LRRC49: variants seen among roughly 807,000 people sequenced by gnomAD.
The protein encoded by LRRC49 is leucine-rich repeat-containing protein 49.
In LRRC49, 50 loss-of-function variants were observed where a neutral mutation model predicts 83.3. That is an observed-to-expected ratio of 0.60 (90% CI 0.48 to 0.76). LRRC49 has a LOEUF of 0.76. Ranked by LOEUF, LRRC49 falls within the 30% of genes least tolerant of loss-of-function variation. The pLI is 0.00. For synonymous variants in LRRC49, 286 were observed against 283.3 expected, an observed-to-expected ratio of 1.01 and a Z score of -0.10; for missense variants, 704 against 809.1, an observed-to-expected ratio of 0.87 and a Z score of 1.58.
intron 1 of LRRC49, among the ~76,000 whole-genome samples, chr15:70,860,417 C>CA (rs538103577): frequency 3.6e-4 from 54 of 152,080 alleles, no homozygotes; most frequent in Middle Eastern, 6.8e-3. Context: ...CAAACAAAAC[C>CA]AAAAAACAAA....
At chr15:71,019,602 T>C (rs1421535931) in intron 14 of LRRC49, among the ~76,000 whole-genome samples, 3 of 152,164 alleles carry the variant, frequency 2.0e-5, no homozygotes, top group Non-Finnish European at 2.9e-5. Flanking sequence ...CCCCAGTGGC[T>C]ATACCATCAG....
intron 14 of LRRC49, among the ~76,000 whole-genome samples, chr15:71,024,536 T>C (rs912425842): frequency 1.3e-5 from 2 of 151,848 alleles, no homozygotes; most frequent in Non-Finnish European, 1.5e-5. Flanking sequence ...GGGCTGACTG[T>C]TGAAGGAAAG....
intron 9 of LRRC49, among the ~76,000 whole-genome samples, chr15:70,971,882 A>G (rs558929727): frequency 1.5e-5 from 2 of 136,306 alleles, no homozygotes; most frequent in African/African-American, 2.8e-5. Flanking sequence ...GTGTCTTTGC[A>G]TGTGAGATGG....
At chr15:70,858,439 T>A (rs1231385192) in intron 1 of LRRC49, among the ~76,000 whole-genome samples, 1 of 152,090 alleles carries the variant, frequency 6.6e-6, no homozygotes, top group Non-Finnish European at 1.5e-5. Context: ...CTGTCTCTAC[T>A]AAAAATACAA....
chr15:70,900,725 T>A (rs1012340351), intron 3 of LRRC49, 197 bp from the exon 4 acceptor site: 2 of 538,604 alleles, frequency 3.7e-6, no homozygotes, highest in Middle Eastern at 7.7e-4. Context: ...TTGGCATACA[T>A]GGAACACATA....
intron 8 of LRRC49, among the ~76,000 whole-genome samples, chr15:70,961,625 C>T (rs1161321085): frequency 6.6e-6 from 1 of 152,050 alleles, no homozygotes; most frequent in Non-Finnish European, 1.5e-5. Flanking sequence ...ATGCATATTG[C>T]TAAGTGAAAG....
At chr15:70,990,015 G>T (rs2037800441) in intron 11 of LRRC49, among the ~76,000 whole-genome samples, 1 of 152,134 alleles carries the variant, frequency 6.6e-6, no homozygotes, top group Admixed American at 6.5e-5. Flanking sequence ...GGAGTACCCG[G>T]CTGTGTGAGG....
intron 10 of LRRC49, among the ~76,000 whole-genome samples, chr15:70,982,446 GA>G (rs1371817090): frequency 3.4e-4 from 52 of 152,178 alleles, no homozygotes; most frequent in Non-Finnish European, 1.2e-4. Flanking sequence ...ATAGAATGGG[GA>G]AAAAATGTTT....
chr15:70,898,103 C>T (rs1225049806), intron 3 of LRRC49, among the ~76,000 whole-genome samples: 1 of 152,156 alleles, frequency 6.6e-6, no homozygotes, highest in Non-Finnish European at 1.5e-5. Flanking sequence ...TGTCCATCCA[C>T]CCATCTGTTC....
chr15:71,002,817 A>G (rs182956311), intron 11 of LRRC49, among the ~76,000 whole-genome samples: 159 of 152,108 alleles, frequency 1.0e-3, no homozygotes, highest in African/African-American at 3.7e-3. Context: ...GTCTCTTTTC[A>G]TCTAGACATT....
chr15:71,052,969 T>C lies in LRRC49; in HGVS notation c.*3357T>C, dbSNP rs1372077898. The stretch of plus-strand genomic sequence containing the variant: ...CTACATGTGAAGCATATCGTAGACA[T>C]TATGTGCGGTATAAATACTAACAAA... On this transcript the variant is annotated 3_prime_UTR_variant, in exon 16 of 16. Transcript: ENST00000260382. 1 of 152,226 alleles carries C rather than the reference T, an allele frequency of 6.6e-6. No individual in the cohort carries two copies. Among genetic ancestry groups the C allele is most frequent in the Non-Finnish European group, 1.5e-5 (1 of 68,042 alleles). 9.4% of individuals were successfully genotyped at this position (152,226 alleles called of 1,614,324 possible).
chr15:70,984,367 A>C, intron 11 of LRRC49, 110 bp downstream of exon 11: 1 of 962,162 alleles, frequency 1.0e-6, no homozygotes, highest in East Asian at 2.7e-5. Context: ...TCTTAAGAAA[A>C]CTTGCTGAAA....
chr15:70,922,256 G>A (rs1411977682), intron 7 of LRRC49, among the ~76,000 whole-genome samples: 2 of 152,254 alleles, frequency 1.3e-5, no homozygotes, highest in East Asian at 3.9e-4. Flanking sequence ...GTTTACAATA[G>A]CTAAGATTTG....
At chr15:70,955,486 C>G (rs1158485727) in intron 8 of LRRC49, among the ~76,000 whole-genome samples, 5 of 152,160 alleles carry the variant, frequency 3.3e-5, no homozygotes, top group African/African-American at 1.2e-4. Flanking sequence ...TATAACTAAT[C>G]CAGTTTTGAG....
intron 14 of LRRC49, among the ~76,000 whole-genome samples, chr15:71,035,122 C>A (rs1273362169): frequency 6.6e-6 from 1 of 151,726 alleles, no homozygotes; most frequent in Non-Finnish European, 1.5e-5. Context: ...TGTAACTATC[C>A]TATAAGAGGA....
At chr15:71,035,417 T>G (rs866195839) in intron 14 of LRRC49, among the ~76,000 whole-genome samples, 4 of 152,082 alleles carry the variant, frequency 2.6e-5, no homozygotes, top group Non-Finnish European at 5.9e-5. Context: ...TACATAGGTA[T>G]ACACGTGCCA....
chr15:71,012,900 C>A lies in LRRC49; in HGVS notation c.1690C>A (p.Leu564Met). Residue 564 changes from leucine (L) to methionine (M), a missense_variant, in exon 14 of 16, where the codon CTG (leucine) becomes ATG (methionine). Coordinates refer to ENST00000260382, the MANE Select transcript of LRRC49 (RefSeq NM_017691.5). The part of the protein sequence containing the change: ...ELPQYRLISI[L>M]GDARKKQFRY... The stretch of plus-strand genomic sequence containing the variant: ...ACCCCAGTATCGTCTGATTTCCATT[C>A]TGGGTGATGCCAGGTAACCTTTAAT... 2 of 1,607,366 alleles carry A rather than the reference C, an allele frequency of 1.2e-6. No homozygotes were observed. Among genetic ancestry groups the A allele is most frequent in the Non-Finnish European group, 1.7e-6 (2 of 1,176,162 alleles).
chr15:70,898,656 G>A (rs182391399), intron 3 of LRRC49, among the ~76,000 whole-genome samples: 2 of 152,186 alleles, frequency 1.3e-5, no homozygotes, highest in Admixed American at 1.3e-4. Flanking sequence ...GGTGGCACAT[G>A]CCTGTAGTCC....
At chr15:70,884,747 A>G (rs2033360518) in intron 2 of LRRC49, among the ~76,000 whole-genome samples, 1 of 152,184 alleles carries the variant, frequency 6.6e-6, no homozygotes, top group Admixed American at 6.5e-5. Context: ...GATAAAATAG[A>G]GTTTTAGAAA....
Sources: gnomAD v4.1 joint callset for allele counts (sites outside exome capture counted in the v4.1 genomes callset) on GRCh38, gnomAD v4.1.1 for gene constraint, MANE v1.5 for transcripts, NCBI Gene and HGNC (gene_info 2026-07-23, HGNC 2026-07-21) for gene names.